Variants in PPM1E observed in about 807,000 individuals in gnomAD.
The protein encoded by PPM1E is protein phosphatase, Mg2+/Mn2+ dependent 1E, also known as protein phosphatase 1E.
Under a neutral mutation model 65.9 loss-of-function variants are expected in PPM1E, and 20 were observed. That is an observed-to-expected ratio of 0.30 (90% CI 0.21 to 0.44). The LOEUF (loss-of-function observed/expected upper bound fraction) is 0.44. Ranked by LOEUF, PPM1E falls within the 20% of genes least tolerant of loss-of-function variation. The pLI, the probability that PPM1E is intolerant of heterozygous loss-of-function variation, is 1.00. For missense variants in PPM1E, 713 were observed against 953.1 expected (o/e 0.75, Z 3.32); for synonymous variants, 352 against 374.9 (o/e 0.94, Z 0.70).
rs143827610 is a variant in PPM1E at position 58,862,114 on chromosome 17, A to G, written c.465-93535A>G. The stretch of plus-strand genomic sequence containing the variant: ...ATAATACAACATATATCCTTTTAAT[A>G]CAATAGATTCACAGTTTCCTGGAGA... On this transcript the variant is annotated intron_variant, in intron 1 of 6. Transcript: ENST00000308249. 5.8e-3 allele frequency among the ~76,000 whole-genome samples: 886 copies of G among 152,296 alleles called. 5 individuals are homozygous for G. Among genetic ancestry groups the G allele is most frequent in the African/African-American group, 9.6e-3 (397 of 41,564 alleles).
rs769412144 is a variant in PPM1E at position 58,980,612 on chromosome 17, T to C, written c.1849T>C (p.Leu617=). ...GGAGAAAAAATCAGTTCAGTCATCA[T>C]TGCCTGAATGGAGTGGTGCTGGAGA... is the stretch of plus-strand genomic sequence containing the variant. The part of the protein sequence containing the change: ...MMEKKSVQSS[L]PEWSGAGEFP... The change falls in exon 7 of 7, where the codon TTG becomes CTG. Residue 617 remains leucine, a synonymous_variant. Coordinates refer to ENST00000308249, the MANE Select transcript of PPM1E (RefSeq NM_014906.5). The surrounding 1 kb of genome is among the most constrained non-coding windows in gnomAD (Gnocchi z 4.7). 21 of 1,614,116 alleles carry C rather than the reference T, an allele frequency of 1.3e-5. No individual in the cohort carries two copies. Among genetic ancestry groups the C allele is most frequent in the Admixed American group, 5.0e-5 (3 of 60,006 alleles).
intron 1 of PPM1E, among the ~76,000 whole-genome samples, chr17:58,825,669 G>A (rs1007883235): frequency 3.3e-5 from 5 of 151,830 alleles, no homozygotes; most frequent in African/African-American, 1.2e-4. Flanking sequence ...CCCAGCCTCA[G>A]TCTGATTCTC....
At chr17:58,902,350 T>A (rs1433992667) in intron 1 of PPM1E, among the ~76,000 whole-genome samples, 2 of 152,124 alleles carry the variant, frequency 1.3e-5, no homozygotes, top group Non-Finnish European at 2.9e-5. Context: ...TGAAGGAAGA[T>A]AAATGTTTGT....
intron 1 of PPM1E, among the ~76,000 whole-genome samples, chr17:58,912,403 G>A (rs1221442353): frequency 6.6e-6 from 1 of 152,134 alleles, no homozygotes; most frequent in African/African-American, 2.4e-5. Context: ...TGAACCATAC[G>A]ACTGTCTGAA....
At chr17:58,827,275 T>C (rs1228665349) in intron 1 of PPM1E, among the ~76,000 whole-genome samples, 1 of 151,732 alleles carries the variant, frequency 6.6e-6, no homozygotes, top group Admixed American at 6.6e-5. Flanking sequence ...GTAGCTGTGA[T>C]TATAGGTGCC....
At chr17:58,958,515 T>A (rs2029922188) in intron 2 of PPM1E, among the ~76,000 whole-genome samples, 1 of 151,870 alleles carries the variant, frequency 6.6e-6, no homozygotes, top group Non-Finnish European at 1.5e-5. Flanking sequence ...CCCAGCCTAC[T>A]GTAAAAATTA....
At chr17:58,901,674 C>CA (rs1176321781) in intron 1 of PPM1E, among the ~76,000 whole-genome samples, 1 of 150,564 alleles carries the variant, frequency 6.6e-6, no homozygotes, top group Non-Finnish European at 1.5e-5. Flanking sequence ...GACCCTGTCT[C>CA]AAAAAATAAT....
At chr17:58,839,014 G>A (rs2050690727) in intron 1 of PPM1E, among the ~76,000 whole-genome samples, 2 of 151,948 alleles carry the variant, frequency 1.3e-5, no homozygotes, top group South Asian at 4.2e-4. Flanking sequence ...TCGGGTTGTG[G>A]ACAGTAGTGA....
chr17:58,884,513 A>G (rs2051242948), intron 1 of PPM1E, among the ~76,000 whole-genome samples: 2 of 151,936 alleles, frequency 1.3e-5, no homozygotes, highest in African/African-American at 4.8e-5. Context: ...GTATTTTAAA[A>G]TTTGCCTTAA....
rs200906668 is a variant in PPM1E, at chr17:58,830,997, ACTTT to A, written c.464+74537_464+74540del. Among the ~76,000 whole-genome samples, 707 of 135,826 alleles carry A rather than the reference ACTTT, an allele frequency of 5.2e-3. 2 individuals carry two copies. Among genetic ancestry groups the A allele is most frequent in the African/African-American group, 0.019 (687 of 36,554 alleles). 89.1% of individuals were successfully genotyped at this position (135,826 alleles called of 152,430 possible). On this transcript the variant is annotated intron_variant, in intron 1 of 6. Coordinates refer to ENST00000308249, the MANE Select transcript of PPM1E (RefSeq NM_014906.5). ...ACCCTACCTGACCTGTATGTGACTT[ACTTT>A]ATCTTTTTTTTTTTTTTCGTTTTTT...
chr17:58,837,942 G>A (rs2050679961), intron 1 of PPM1E, among the ~76,000 whole-genome samples: 1 of 152,196 alleles, frequency 6.6e-6, no homozygotes, highest in Non-Finnish European at 1.5e-5. Flanking sequence ...TCCCAGAGAA[G>A]GTGATGATCA....
At chr17:58,761,350 C>G (rs2049818932) in intron 1 of PPM1E, among the ~76,000 whole-genome samples, 1 of 152,176 alleles carries the variant, frequency 6.6e-6, no homozygotes, top group Non-Finnish European at 1.5e-5. Flanking sequence ...ATCTGGACCT[C>G]TCTTTGGACA....
intron 1 of PPM1E, among the ~76,000 whole-genome samples, chr17:58,786,178 C>T (rs1315073308): frequency 6.6e-6 from 1 of 152,034 alleles, no homozygotes. Flanking sequence ...CCACACCTGG[C>T]TAATTTTTTG....
chr17:58,787,865 C>G (rs1164854738), intron 1 of PPM1E, among the ~76,000 whole-genome samples: 4 of 148,954 alleles, frequency 2.7e-5, no homozygotes. Flanking sequence ...CGAGATCGCA[C>G]CACTGCACTC....
Position 58,918,430 on chromosome 17 carries a change from TA to T in PPM1E, c.465-37218del, listed in dbSNP as rs1378537381. Among the ~76,000 whole-genome samples, 6 of 152,344 alleles carry T rather than the reference TA, an allele frequency of 3.9e-5. No homozygotes were observed. The East Asian group carries it at 1.2e-3, about 29-fold the overall frequency. On this transcript the variant is annotated intron_variant, in intron 1 of 6. Coordinates refer to ENST00000308249, the MANE Select transcript of PPM1E (RefSeq NM_014906.5). Reference sequence around the variant, plus strand: ...TATAAGACTAAGTCTAATGCTGTACTATCTCATTCTGACTTGTAATGTTAAT... The same window carrying T: ...TATAAGACTAAGTCTAATGCTGTACTTCTCATTCTGACTTGTAATGTTAAT...
intron 1 of PPM1E, among the ~76,000 whole-genome samples, chr17:58,845,460 A>C (rs2050761873): frequency 6.6e-6 from 1 of 152,056 alleles, no homozygotes; most frequent in Non-Finnish European, 1.5e-5. Flanking sequence ...CATTTTGCAA[A>C]ATTGAAACTT....
chr17:58,888,678 A>G (rs1460338355), intron 1 of PPM1E, among the ~76,000 whole-genome samples: 1 of 152,144 alleles, frequency 6.6e-6, no homozygotes, highest in Non-Finnish European at 1.5e-5. Context: ...TCTTTAAACA[A>G]TGATTTTTCA....
chr17:58,768,497 C>T (rs926082458), intron 1 of PPM1E, among the ~76,000 whole-genome samples: 3 of 152,114 alleles, frequency 2.0e-5, no homozygotes, highest in Admixed American at 6.6e-5. Flanking sequence ...CCTTTGGAGG[C>T]GGATAGGGTG....
At chr17:58,768,590 C>T (rs752377248) in intron 1 of PPM1E, among the ~76,000 whole-genome samples, 5 of 152,136 alleles carry the variant, frequency 3.3e-5, no homozygotes, top group Admixed American at 3.3e-4. Flanking sequence ...AAGGGTTTTG[C>T]ACCAAATATT....
Sources: allele counts gnomAD v4.1 joint callset (sites outside exome capture counted in the v4.1 genomes callset), GRCh38; gene constraint gnomAD v4.1.1; non-coding constraint Gnocchi (gnomAD v3.1); transcripts MANE v1.5; gene names NCBI Gene and HGNC (gene_info 2026-07-23, HGNC 2026-07-21).